CACNA1C: variants seen among roughly 807,000 people sequenced by gnomAD.
CACNA1C encodes voltage-dependent L-type calcium channel subunit alpha-1C.
A neutral mutation model predicts 229.0 loss-of-function variants in CACNA1C; 30 were observed. The ratio of observed to expected loss-of-function variants is 0.13; its 90% confidence interval spans 0.10 to 0.18. The LOEUF is 0.18. Ranked by LOEUF, CACNA1C falls within the 10% of genes least tolerant of loss-of-function variation. The probability of loss-of-function intolerance (pLI) is 1.00; values close to 1 mark genes in which losing one functional copy is unlikely to be tolerated. For synonymous variants in CACNA1C, 1,114 were observed against 1,132.5 expected, an observed-to-expected ratio of 0.98 and a Z score of 0.33; for missense variants, 1,658 against 2,845.0, an observed-to-expected ratio of 0.58 and a Z score of 9.49.
At chr12:2,538,385 A>G (rs1341781576) in intron 9 of CACNA1C, among the ~76,000 whole-genome samples, 1 of 152,072 alleles carries the variant, frequency 6.6e-6, no homozygotes, top group African/African-American at 2.4e-5. Flanking sequence ...AGCTGATGGC[A>G]CCTTTCTCTG....
At position 2,593,279 on chromosome 12, in the gene CACNA1C, A is replaced by G; in HGVS notation, c.2597A>G (p.His866Arg). ...GPRPRPLSEL[H>R]LKEKAVPMPE... Reference sequence around the variant, plus strand: ...CGCCCACGACCACTCTCTGAGCTTCACCTTAAGGAAAAGGCAGTGCCCATG... The same window carrying G: ...CGCCCACGACCACTCTCTGAGCTTCGCCTTAAGGAAAAGGCAGTGCCCATG... Residue 866 changes from histidine (H) to arginine (R), a missense_variant, in exon 19 of 47, where the codon CAC becomes CGC. By Grantham distance (29) the His-to-Arg change is conservative. Around this residue, in one of 20 missense-constraint regions of CACNA1C, gnomAD observed 121 missense variants for 128.8 expected, o/e 0.94. Transcript: ENST00000399655. 6.2e-7 allele frequency: 1 copy of G among 1,613,758 alleles called. No homozygotes were observed. The highest frequency in any genetic ancestry group is 8.5e-7 in the Non-Finnish European group (1 of 1,179,834).
At chr12:2,359,113 CT>C (rs142130456) in intron 3 of CACNA1C, among the ~76,000 whole-genome samples, 5 of 152,356 alleles carry the variant, frequency 3.3e-5, no homozygotes, top group African/African-American at 4.8e-5. Flanking sequence ...TGAATTTCTG[CT>C]TATGGTTTAA....
intron 30 of CACNA1C, among the ~76,000 whole-genome samples, chr12:2,644,452 TG>T (rs2094118905): frequency 6.6e-6 from 1 of 152,356 alleles, no homozygotes; most frequent in Middle Eastern, 3.4e-3. Flanking sequence ...TTCTTACCCT[TG>T]GCTGTGCTTT....
chr12:2,566,307 G>A lies in CACNA1C; in HGVS notation c.1509-115G>A. 2 of 983,276 alleles carry A rather than the reference G, an allele frequency of 2.0e-6. No individual in the cohort carries two copies. The highest frequency in any genetic ancestry group is 2.9e-6 in the Non-Finnish European group (2 of 678,906). The allele number at this position is 983,276 out of a possible 1,614,324, so 60.9% of individuals were successfully genotyped here. ...GGGCTCCTTGCCACCAGATTGGGCT[G>A]CTCTAGCAAGGCCAGATCAGTGAGG... On this transcript the variant is annotated intron_variant, in intron 11 of 46. Transcript: ENST00000399655. This position sits in a 1 kb window ranked among gnomAD's most constrained non-coding sequence, Gnocchi z 4.0.
At chr12:2,016,538 T>C (rs1167198933) in intron 1 of CACNA1C, among the ~76,000 whole-genome samples, 1 of 152,184 alleles carries the variant, frequency 6.6e-6, no homozygotes, top group Admixed American at 6.6e-5. Flanking sequence ...CAAGCAATTC[T>C]CCTGCCTCAG....
At chr12:2,189,430 C>T (rs192341388) in intron 3 of CACNA1C, among the ~76,000 whole-genome samples, 231 of 152,328 alleles carry the variant, frequency 1.5e-3, no homozygotes, top group African/African-American at 5.3e-3. Flanking sequence ...AAACCTTGCA[C>T]GCTGCGGGAG....
intron 1 of CACNA1C, among the ~76,000 whole-genome samples, chr12:2,097,205 G>A (rs1473023707): frequency 1.3e-5 from 2 of 152,036 alleles, no homozygotes; most frequent in Non-Finnish European, 2.9e-5. Context: ...GAGTGCAGTG[G>A]CGCGATCTCG....
At chr12:2,541,519 G>A (rs571050027) in intron 9 of CACNA1C, among the ~76,000 whole-genome samples, 2 of 152,310 alleles carry the variant, frequency 1.3e-5, no homozygotes, top group Admixed American at 6.5e-5. Context: ...TCAGCCATTG[G>A]CCTTGTATGA....
chr12:2,385,905 G>A (rs1028080117), intron 3 of CACNA1C, among the ~76,000 whole-genome samples: 10 of 152,188 alleles, frequency 6.6e-5, no homozygotes, highest in African/African-American at 1.4e-4. Flanking sequence ...CAGCCCCAGC[G>A]ACTCAGGAGA....
chr12:2,648,590 T>C lies in CACNA1C; in HGVS notation c.3945+83T>C, dbSNP rs2239127. 977,042 of 1,259,826 alleles carry C rather than the reference T, an allele frequency of 0.78. 384,292 individuals are homozygous for C. Among genetic ancestry groups the C allele is most frequent in the Admixed American group, 0.85 (50,290 of 59,266 alleles). 78.0% of individuals were successfully genotyped at this position (1,259,826 alleles called of 1,614,324 possible). ...ACTCTCCCCACCCCGAACTCCAGAG[T>C]CCCTGGGAGCCCTGCCTGGCTCTCA... On this transcript the variant is annotated intron_variant, in intron 31 of 46. Coordinates refer to ENST00000399655, the MANE Select transcript of CACNA1C (RefSeq NM_000719.7).
At chr12:2,101,803 C>T (rs1049049683) in intron 1 of CACNA1C, among the ~76,000 whole-genome samples, 1 of 152,130 alleles carries the variant, frequency 6.6e-6, no homozygotes, top group African/African-American at 2.4e-5. Flanking sequence ...ATACTAAAAA[C>T]TGCCCTCACA....
intron 8 of CACNA1C, among the ~76,000 whole-genome samples, chr12:2,511,620 G>A (rs953205722): frequency 2.0e-5 from 3 of 151,912 alleles, no homozygotes; most frequent in Admixed American, 6.6e-5. Flanking sequence ...ACCACCAAGG[G>A]CCTCATTCCC....
At position 2,467,106 on chromosome 12, in the gene CACNA1C, G is replaced by A. The variant is rs1250622478; in HGVS notation, c.757+9400G>A. ...CGTCCCTCATTCTCCTTCACACAGC[G>A]CTGGAGGCTGCCTGGTCCCCCTGCC... On this transcript the variant is annotated intron_variant, in intron 5 of 46. Transcript: ENST00000399655. This position sits in a 1 kb window ranked among gnomAD's most constrained non-coding sequence, Gnocchi z 4.6. Among the ~76,000 whole-genome samples the A allele has an allele frequency of 3.3e-5, 5 of 152,158 alleles. No homozygotes were observed. The highest frequency in any genetic ancestry group is 3.9e-4 in the East Asian group (2 of 5,176).
intron 3 of CACNA1C, among the ~76,000 whole-genome samples, chr12:2,341,690 C>T (rs1193573091): frequency 6.6e-6 from 1 of 152,252 alleles, no homozygotes; most frequent in Non-Finnish European, 1.5e-5. Context: ...CCAGGTTCAT[C>T]ATCTCCTCTG....
At position 2,346,594 on chromosome 12, in the gene CACNA1C, C is replaced by G. The variant is rs572573709; in HGVS notation, c.478-102382C>G. 1.1e-4 allele frequency among the ~76,000 whole-genome samples: 17 copies of G among 152,224 alleles called. No individual in the cohort carries two copies. Among genetic ancestry groups the G allele is most frequent in the African/African-American group, 3.6e-4 (15 of 41,522 alleles). ...ACTCCCCCATTTCTCTTAGCCGGCC[C>G]CAGTGTGTGTCCTGGGGGCGTAGTC... On this transcript the variant is annotated intron_variant, in intron 3 of 46. Coordinates refer to ENST00000399655, the MANE Select transcript of CACNA1C (RefSeq NM_000719.7). The surrounding 1 kb of genome is among the most constrained non-coding windows in gnomAD (Gnocchi z 4.4).
chr12:2,494,128 A>G (rs1327463991), intron 7 of CACNA1C, among the ~76,000 whole-genome samples: 3 of 152,160 alleles, frequency 2.0e-5, no homozygotes, highest in African/African-American at 4.8e-5. Context: ...CCCGTCATCT[A>G]TTAAGCCCCA....
In CACNA1C at chr12:2,516,716, G is replaced by A. The variant is rs757415740; in HGVS notation, c.1390+3732G>A. On this transcript the variant is annotated intron_variant, in intron 9 of 46. Transcript: ENST00000399655. ...ATATGGGGAAGTCTGTGAGAGGAACGGGTGTCAGGGCAGGAGGATCAGGAA... is the reference window on the plus strand; with the variant it reads ...ATATGGGGAAGTCTGTGAGAGGAACAGGTGTCAGGGCAGGAGGATCAGGAA... 6.6e-5 allele frequency among the ~76,000 whole-genome samples: 10 copies of A among 152,302 alleles called. No homozygotes were observed. In the East Asian group the frequency reaches 9.6e-4, roughly 15 times the overall value.
intron 5 of CACNA1C, among the ~76,000 whole-genome samples, chr12:2,477,138 A>G (rs2099633994): frequency 6.6e-6 from 1 of 152,212 alleles, no homozygotes; most frequent in Non-Finnish European, 1.5e-5. Flanking sequence ...GATCTGTGAG[A>G]TTCATCACGT....
intron 34 of CACNA1C, among the ~76,000 whole-genome samples, chr12:2,661,660 G>T (rs894312221): frequency 6.6e-6 from 1 of 152,012 alleles, no homozygotes; most frequent in African/African-American, 2.4e-5. Flanking sequence ...CTAATATAAA[G>T]CTAATGCCAA....
Sources: gnomAD v4.1 joint callset for allele counts (sites outside exome capture counted in the v4.1 genomes callset) on GRCh38, gnomAD v4.1.1 for gene constraint, gnomAD v4.1.1 regional missense constraint, Gnocchi (gnomAD v3.1) non-coding constraint, MANE v1.5 for transcripts, NCBI Gene and HGNC (gene_info 2026-07-23, HGNC 2026-07-21) for gene names.